The following TIMM17B variants were observed in gnomAD, a reference collection of about 807,000 sequenced individuals.
TIMM17B encodes the protein translocase of inner mitochondrial membrane 17B.
TIMM17B carries 10 observed loss-of-function variants against 15.9 expected under a neutral mutation model. The observed-to-expected ratio is 0.63, with a 90% CI of 0.39 to 1.06. The LOEUF (loss-of-function observed/expected upper bound fraction) is 1.06. TIMM17B is among the 50% of genes least tolerant of loss of function. TIMM17B has a pLI of 0.01. For synonymous variants in TIMM17B, 57 were observed against 57.2 expected (o/e 1.00, Z 0.02); for missense variants, 114 against 152.2 (o/e 0.75, Z 1.32).
At chrX:48,897,604 C>G in intron 2 of TIMM17B, 120 bp downstream of exon 1, 1 of 570,504 alleles carries the variant, frequency 1.8e-6, no homozygotes, top group Non-Finnish European at 3.0e-6. Context: ...GCGGGAGATA[C>G]GTTAAGAGTC....
chrX:48,895,194 G>A, intron 3 of TIMM17B, 93 bp from the exon 3 acceptor site: 1 of 767,266 alleles, frequency 1.3e-6, no homozygotes, highest in African/African-American at 2.1e-5. Flanking sequence ...TGGGAGACCT[G>A]TTAGAGGTAT....
At position 48,898,065 on chromosome X, in the gene TIMM17B, A is replaced by G; in HGVS notation, c.-73+2T>C. The G allele has an allele frequency of 7.0e-5, 72 of 1,035,834 alleles. No homozygotes were observed. The highest frequency in any genetic ancestry group is 8.9e-5 in the Non-Finnish European group (72 of 809,378). 85.4% of individuals were successfully genotyped at this position (1,035,834 alleles called of 1,213,427 possible). On this transcript the variant is annotated splice_donor_variant, in intron 1 of 6. Transcript: ENST00000376582. LOFTEE classifies it low-confidence loss of function (5UTR_SPLICE). ...ACGGGCGGTGTGACAGCCTTCCACTACCTGCACGAGTGTATTGGTAACGTT... is the reference window on the plus strand; with the variant it reads ...ACGGGCGGTGTGACAGCCTTCCACTGCCTGCACGAGTGTATTGGTAACGTT...
rs782460351 is a variant in TIMM17B at position 48,895,802 on chromosome X, T to C, written c.127-701A>G. 4.3e-5 allele frequency: 10 copies of C among 235,067 alleles called. No individual in the cohort carries two copies. The South Asian group carries it at 1.3e-3, about 30-fold the overall frequency. 19.4% of individuals were successfully genotyped at this position (235,067 alleles called of 1,213,427 possible). On this transcript the variant is annotated intron_variant, in intron 3 of 6. Coordinates refer to ENST00000376582, the Ensembl canonical transcript of TIMM17B. ...TTCAAGGCTGTCTTCCGTCTGCCAA[T>C]TAAATTCCTGTCATTTTCCTCTATC...
intron 3 of TIMM17B, chrX:48,896,414 C>T (rs996250570): frequency 5.1e-5 from 8 of 155,593 alleles, no homozygotes; most frequent in Non-Finnish European, 9.8e-5. Flanking sequence ...GAGCCAAGAG[C>T]GTGCCACTGC....
chrX:48,894,157 CCT>C lies in TIMM17B; in HGVS notation c.257_258del (p.Lys86ArgfsTer41). On this transcript the variant is annotated frameshift_variant, in exon 5 of 7. Transcript: ENST00000376582. LOFTEE classifies it high-confidence loss of function. ...CTGGTGATAGAGTTCCAGGGATCCT[CCT>C]TGCCCCGAAGCCGCACCAGGCCACA... The C allele has an allele frequency of 8.3e-7, 1 of 1,205,255 alleles. No individual in the cohort carries two copies.
intron 1 of TIMM17B, 184 bp from the exon 1 acceptor site, chrX:48,897,952 G>T: frequency 1.1e-6 from 1 of 881,440 alleles, no homozygotes; most frequent in Non-Finnish European, 1.5e-6. Context: ...GGCTCGGGGA[G>T]TGAAGGCCTC....
intron 4 of TIMM17B, among the ~76,000 whole-genome samples, chrX:48,894,741 T>C (rs1806152867): frequency 9.0e-6 from 1 of 111,669 alleles, no homozygotes; most frequent in African/African-American, 3.3e-5. Context: ...TTACATAAAC[T>C]ATAAAACTAC....
At chrX:48,895,537 G>A (rs1008642362) in intron 3 of TIMM17B, 10 of 508,007 alleles carry the variant, frequency 2.0e-5, no homozygotes, top group Admixed American at 1.1e-4. Context: ...TATGACTGGG[G>A]CTGAGGGGTC....
chrX:48,897,293 A>G (rs956746803), intron 2 of TIMM17B: 4 of 218,547 alleles, frequency 1.8e-5, no homozygotes, highest in Non-Finnish European at 3.3e-5. Context: ...CAACTGGGAA[A>G]AACCAAGAGC....
chrX:48,894,165 C>G (rs959877221), exon 5 of TIMM17B: 8 of 1,204,320 alleles, frequency 6.6e-6, no homozygotes. Flanking sequence ...CTCCTTGCCC[C>G]GAAGCCGCAC....
chrX:48,898,114 C>A, exon 1 of TIMM17B: 1 of 1,017,060 alleles, frequency 9.8e-7, no homozygotes. Flanking sequence ...TCTTTTGGAG[C>A]TGGAGGAAGT....
Position 48,895,544 on chromosome X carries a change from G to T in TIMM17B, c.127-443C>A, listed in dbSNP as rs1557039347. 4 of 503,068 alleles carry T rather than the reference G, an allele frequency of 8.0e-6. No individual in the cohort carries two copies. In the African/African-American group the frequency reaches 9.3e-5, roughly 12 times the overall value. The allele number at this position is 503,068 out of a possible 1,213,427, so 41.5% of individuals were successfully genotyped here. A position where few individuals can be genotyped will look rare whatever the true frequency, so the allele number is the denominator to read the frequency against. ...TGAAGAAATATGACTGGGGCTGAGG[G>T]GTCAGGAAAGGCCTCTTGAAGGAGG... On this transcript the variant is annotated intron_variant, in intron 3 of 6. Transcript: ENST00000376582.
intron 2 of TIMM17B, 166 bp from the exon 2 acceptor site, chrX:48,897,024 A>G (rs2063319952): frequency 9.6e-7 from 1 of 1,036,816 alleles, no homozygotes; most frequent in Non-Finnish European, 1.3e-6. Context: ...CTTTTTCCAC[A>G]CACCCCCCCA....
At chrX:48,896,614 G>A in intron 3 of TIMM17B, 145 bp downstream of exon 2, 1 of 1,082,077 alleles carries the variant, frequency 9.2e-7, no homozygotes. Flanking sequence ...CCCAGATACA[G>A]GAGCCAGGCT....
At chrX:48,894,214 C>T (rs782819191) in exon 5 of TIMM17B, 1 of 1,207,594 alleles carries the variant, frequency 8.3e-7, no homozygotes, top group East Asian at 3.0e-5. Flanking sequence ...CCCCCCCACA[C>T]TGCGAAGCTA....
intron 3 of TIMM17B, chrX:48,895,536 G>T (rs1557039342): frequency 2.0e-6 from 1 of 510,067 alleles, no homozygotes; most frequent in Non-Finnish European, 3.5e-6. Context: ...ATATGACTGG[G>T]GCTGAGGGGT....
intron 3 of TIMM17B, chrX:48,895,648 G>A: frequency 2.3e-6 from 1 of 429,251 alleles, no homozygotes; most frequent in Non-Finnish European, 4.1e-6. Context: ...TCTAGGGGAG[G>A]GACGGGGCTA....
In TIMM17B at chrX:48,893,736, T is replaced by C. The variant is rs368585284; in HGVS notation, c.512A>G (p.Tyr171Cys). The change falls in exon 7 of 7, where the codon TAC (tyrosine) becomes TGC (cysteine). Residue 171 changes from tyrosine (Y) to cysteine (C), a missense_variant. Coordinates refer to ENST00000376582, the Ensembl canonical transcript of TIMM17B. ...ATGGTGGCAGTGGCTTCCTCAGTGG[T>C]ACTGCTGATAGCTGGGGTAGCCTGG... 15 of 1,157,401 alleles carry C rather than the reference T, an allele frequency of 1.3e-5. No homozygotes were observed. In the African/African-American group the frequency reaches 2.7e-4, roughly 21 times the overall value.
intron 1 of TIMM17B, 125 bp from the exon 1 acceptor site, chrX:48,897,893 GT>G: frequency 1.0e-6 from 1 of 973,796 alleles, no homozygotes; most frequent in Non-Finnish European, 1.4e-6. Context: ...GGCCAATCGA[GT>G]TTCTGCCATT....
Sources: allele counts gnomAD v4.1 joint callset (sites outside exome capture counted in the v4.1 genomes callset), GRCh38; gene constraint gnomAD v4.1.1; transcripts MANE v1.5; gene names NCBI Gene and HGNC (gene_info 2026-07-23, HGNC 2026-07-21).